The following EIF2AK4 variants were observed in gnomAD, a reference collection of about 807,000 sequenced individuals.
The protein encoded by EIF2AK4 is eIF-2-alpha kinase GCN2.
EIF2AK4 carries 139 observed loss-of-function variants against 211.1 expected under a neutral mutation model. That is an observed-to-expected ratio of 0.66 (90% CI 0.57 to 0.76). EIF2AK4 has a LOEUF of 0.76. EIF2AK4 is among the 30% of genes least tolerant of loss of function. The probability of loss-of-function intolerance (pLI) is 0.00; values close to 1 mark genes in which losing one functional copy is unlikely to be tolerated. For missense variants in EIF2AK4, 1,664 were observed against 2,043.8 expected, an observed-to-expected ratio of 0.81 and a Z score of 3.58; for synonymous variants, 710 against 751.3, an observed-to-expected ratio of 0.94 and a Z score of 0.90.
At position 40,025,976 on chromosome 15, in the gene EIF2AK4, G is replaced by T; in HGVS notation, c.4390-1G>T. 4 of 1,613,660 alleles carry T rather than the reference G, an allele frequency of 2.5e-6. No homozygotes were observed. Among genetic ancestry groups the T allele is most frequent in the Non-Finnish European group, 3.4e-6 (4 of 1,179,758 alleles). ...GATAGATCCGTTTCATTCTTTTTAA[G>T]GTTAAGTCTTTCGAGAAGGAAAGGC... On this transcript the variant is annotated splice_acceptor_variant, in intron 32 of 38. Transcript: ENST00000263791. LOFTEE classifies it high-confidence loss of function.
chr15:40,019,026 ATT>A, intron 29 of EIF2AK4, 65 bp from the exon 30 acceptor site: 1 of 1,212,210 alleles, frequency 8.2e-7, no homozygotes, highest in Non-Finnish European at 1.2e-6. Flanking sequence ...CTCTTTAATC[ATT>A]GTTTTCCCCG....
intron 14 of EIF2AK4, 35 bp downstream of exon 14, chr15:39,985,923 A>G: frequency 1.3e-6 from 2 of 1,590,468 alleles, no homozygotes; most frequent in Non-Finnish European, 1.7e-6. Context: ...TGACACAGCA[A>G]CACCCAGTAG....
chr15:40,017,092 G>T lies in EIF2AK4; in HGVS notation c.3931-16G>T. ...TTCAAACCCTTGACACATTTGTGTG[G>T]CATCTCTCTTTATAGGTCTTGATCA... On this transcript the variant is annotated splice_polypyrimidine_tract_variant and intron_variant, in intron 28 of 38. Coordinates refer to ENST00000263791, the MANE Select transcript of EIF2AK4 (RefSeq NM_001013703.4). 4.4e-6 allele frequency: 7 copies of T among 1,601,328 alleles called. No homozygotes were observed. Among genetic ancestry groups the T allele is most frequent in the Non-Finnish European group, 6.0e-6 (7 of 1,169,420 alleles).
chr15:39,936,899 C>T (rs2034072462), intron 1 of EIF2AK4, among the ~76,000 whole-genome samples: 1 of 152,184 alleles, frequency 6.6e-6, no homozygotes, highest in Non-Finnish European at 1.5e-5. Flanking sequence ...TAACTAACCT[C>T]ATGTCAGTTC....
chr15:39,968,654 CT>C (rs898693454), intron 9 of EIF2AK4, among the ~76,000 whole-genome samples: 3 of 152,146 alleles, frequency 2.0e-5, no homozygotes, highest in Non-Finnish European at 4.4e-5. Flanking sequence ...TTCTGACACT[CT>C]TTGTTTTTTA....
rs200433010 is a variant in EIF2AK4, at chr15:39,955,675, C to G, written c.650C>G (p.Pro217Arg). 196 of 1,612,886 alleles carry G rather than the reference C, an allele frequency of 1.2e-4. 1 individual carries two copies. The African/African-American group carries it at 2.5e-3, about 21-fold the overall frequency. Residue 217 changes from proline to arginine, a missense_variant, in exon 6 of 39, where the codon CCA becomes CGA. By Grantham distance (103) the Pro-to-Arg change is moderately radical (BLOSUM62 -2). Coordinates refer to ENST00000263791, the MANE Select transcript of EIF2AK4 (RefSeq NM_001013703.4). ...SNQDHTSKKD[P>R]GGHRTAAILH... ...CAAGATCATACCTCTAAGAAGGACCCAGGAGGACACAGAACGGCTGCCATT... is the reference window on the plus strand; with the variant it reads ...CAAGATCATACCTCTAAGAAGGACCGAGGAGGACACAGAACGGCTGCCATT...
intron 7 of EIF2AK4, among the ~76,000 whole-genome samples, chr15:39,963,017 T>C (rs1485559052): frequency 1.3e-5 from 2 of 152,234 alleles, no homozygotes; most frequent in Non-Finnish European, 2.9e-5. Context: ...TTCCCCTTCC[T>C]CTTTAAGGAG....
rs1385242037 is a variant in EIF2AK4, at chr15:40,017,224, A to T, written c.4047A>T (p.Gly1349=). The T allele has an allele frequency of 1.2e-6, 2 of 1,613,518 alleles. No individual in the cohort carries two copies. The highest frequency in any genetic ancestry group is 1.7e-6 in the Non-Finnish European group (2 of 1,179,632). Residue 1349 remains glycine, a synonymous_variant, in exon 29 of 39, where the codon GGA becomes GGT. Coordinates refer to ENST00000263791, the MANE Select transcript of EIF2AK4 (RefSeq NM_001013703.4). Reference sequence around the variant, plus strand: ...CTGTACCTGAAATCCTCGCAGCTGGAGGCAGATATGACCTGCTGGTGAGGG... The same window carrying T: ...CTGTACCTGAAATCCTCGCAGCTGGTGGCAGATATGACCTGCTGGTGAGGG... ...QRAVPEILAA[G]GRYDLLIPQF... is the part of the protein sequence containing the mutation.
At chr15:40,026,451 G>C (rs968611414) in intron 33 of EIF2AK4, among the ~76,000 whole-genome samples, 1 of 152,134 alleles carries the variant, frequency 6.6e-6, no homozygotes, top group Non-Finnish European at 1.5e-5. Flanking sequence ...GAAAGACCCT[G>C]TCTAAGAAAA....
At chr15:39,965,890 T>G in intron 8 of EIF2AK4, 47 bp downstream of exon 8, 2 of 1,604,624 alleles carry the variant, frequency 1.2e-6, no homozygotes. Flanking sequence ...AATCTCAGGC[T>G]TTAGGAGATG....
chr15:39,976,619 T>A lies in EIF2AK4; in HGVS notation c.2024T>A (p.Leu675Gln). ...PGTPPPDSGPLAKDDRAARGQ... is the reference protein window; with the variant it reads ...PGTPPPDSGPQAKDDRAARGQ... ...ACGCCGCCCCCGGACTCCGGGCCCC[T>A]GGCCAAGGATGACCGAGCTGCACGC... Residue 675 changes from leucine to glutamine, a missense_variant, in exon 12 of 39, where the codon CTG becomes CAG. Leu to Gln is a moderately radical substitution (Grantham distance 113). Transcript: ENST00000263791. 1 of 1,606,770 alleles carries A rather than the reference T, an allele frequency of 6.2e-7. No individual in the cohort carries two copies. The highest frequency in any genetic ancestry group is 2.2e-5 in the East Asian group (1 of 44,700).
At chr15:40,002,578 G>A in intron 21 of EIF2AK4, 135 bp from the exon 22 acceptor site, 1 of 843,596 alleles carries the variant, frequency 1.2e-6, no homozygotes, top group Non-Finnish European at 2.0e-6. Flanking sequence ...GTTCAAAGAG[G>A]GATGGACTTG....
intron 4 of EIF2AK4, among the ~76,000 whole-genome samples, chr15:39,950,684 A>G (rs1000336507): frequency 1.3e-5 from 2 of 152,184 alleles, no homozygotes; most frequent in East Asian, 3.8e-4. Context: ...AGTTGCCATC[A>G]ATAAAAAATG....
intron 25 of EIF2AK4, among the ~76,000 whole-genome samples, chr15:40,008,996 T>C (rs73390609): frequency 0.012 from 1,890 of 152,334 alleles, 52 homozygotes; most frequent in African/African-American, 0.044. Flanking sequence ...CGATTACTAC[T>C]GGACCAGATC....
rs1430047581 is a variant in EIF2AK4 at position 40,003,306 on chromosome 15, G to T, written c.3349G>T (p.Asp1117Tyr). 6.2e-7 allele frequency: 1 copy of T among 1,614,102 alleles called. No homozygotes were observed. The highest frequency in any genetic ancestry group is 1.7e-5 in the Admixed American group (1 of 60,022). Residue 1117 changes from aspartate (D) to tyrosine (Y), a missense_variant, in exon 23 of 39, where the codon GAC becomes TAC. By Grantham distance (160) the Asp-to-Tyr change is radical. Coordinates refer to ENST00000263791, the MANE Select transcript of EIF2AK4 (RefSeq NM_001013703.4). ...CGGGATGCTGGTGATGCTTCCTTTT[G>T]ACCTGCGGGTGAGGCTGGGAACACA... ...HSGMLVMLPFDLRIPFARYVA... is the reference protein window; with the variant it reads ...HSGMLVMLPFYLRIPFARYVA...
chr15:39,983,833 T>A (rs953113029), intron 13 of EIF2AK4, among the ~76,000 whole-genome samples: 9 of 152,270 alleles, frequency 5.9e-5, no homozygotes, highest in African/African-American at 2.2e-4. Context: ...TTTCTTTTGC[T>A]GTGCAGAGGC....
intron 32 of EIF2AK4, among the ~76,000 whole-genome samples, chr15:40,024,284 G>T (rs1168429111): frequency 6.7e-6 from 1 of 149,768 alleles, no homozygotes; most frequent in Non-Finnish European, 1.5e-5. Context: ...CTGGGCTCAA[G>T]CAATCTTCTC....
At chr15:39,995,172 TG>T (rs1179295298) in intron 18 of EIF2AK4, among the ~76,000 whole-genome samples, 1 of 152,050 alleles carries the variant, frequency 6.6e-6, no homozygotes, top group Non-Finnish European at 1.5e-5. Context: ...AAAACCAAAG[TG>T]GGGGCATCTT....
At chr15:40,032,898 G>C (rs146998242) in intron 37 of EIF2AK4, 97 bp downstream of exon 37, 7 of 984,244 alleles carry the variant, frequency 7.1e-6, no homozygotes, top group Non-Finnish European at 1.0e-5. Flanking sequence ...ATTAGTGATA[G>C]TATTTTTCTG....
Sources: allele counts gnomAD v4.1 joint callset (sites outside exome capture counted in the v4.1 genomes callset), GRCh38; gene constraint gnomAD v4.1.1; transcripts MANE v1.5; gene names NCBI Gene and HGNC (gene_info 2026-07-23, HGNC 2026-07-21).